FARS2: variants seen among roughly 807,000 people sequenced by gnomAD.
FARS2 encodes the protein phenylalanine--tRNA ligase, mitochondrial.
In FARS2, 40 loss-of-function variants were observed where a neutral mutation model predicts 46.4. The ratio of observed to expected loss-of-function variants is 0.86; its 90% CI spans 0.67 to 1.12. The LOEUF (loss-of-function observed/expected upper bound fraction) is 1.12. Ranked by LOEUF, FARS2 falls within the 50% of genes most tolerant of loss-of-function variation. FARS2 has a pLI of 0.00. For synonymous variants in FARS2, 234 were observed against 214.9 expected (o/e 1.09, Z -0.78); for missense variants, 513 against 567.9 (o/e 0.90, Z 0.98).
chr6:5,434,658 A>G (rs1763416827), intron 4 of FARS2, among the ~76,000 whole-genome samples: 1 of 152,142 alleles, frequency 6.6e-6, no homozygotes, highest in African/African-American at 2.4e-5. Flanking sequence ...TTGAGTTCTT[A>G]TGGCGTGGAG....
At chr6:5,251,715 G>A in the FARS2 span, among the ~76,000 whole-genome samples, 1 of 152,172 alleles carries the variant, frequency 6.6e-6, no homozygotes, top group African/African-American at 2.4e-5. Flanking sequence ...ATGAGATCTG[G>A]GTGGAGACAA....
At chr6:5,597,406 C>T (rs562511854) in intron 5 of FARS2, among the ~76,000 whole-genome samples, 1 of 152,288 alleles carries the variant, frequency 6.6e-6, no homozygotes, top group East Asian at 1.9e-4. Context: ...AATTCCCTTT[C>T]CCCTCTGGCC....
chr6:5,661,141 A>C (rs897120972), intron 6 of FARS2, among the ~76,000 whole-genome samples: 4 of 152,172 alleles, frequency 2.6e-5, no homozygotes, highest in African/African-American at 9.7e-5. Flanking sequence ...AAAACCCAAA[A>C]TTTCTACAGC....
chr6:5,398,891 T>C (rs1040482860), intron 2 of FARS2, among the ~76,000 whole-genome samples: 20 of 152,160 alleles, frequency 1.3e-4, no homozygotes, highest in Admixed American at 5.2e-4. Flanking sequence ...AGTTTCATAA[T>C]TGTTAACACA....
upstream of FARS2, among the ~76,000 whole-genome samples, chr6:5,259,259 A>G (rs1764828652): frequency 6.6e-6 from 1 of 152,184 alleles, no homozygotes. Context: ...AATGGTTTCT[A>G]TTTATTTAAC....
At chr6:5,388,346 T>C (rs886196626) in intron 2 of FARS2, among the ~76,000 whole-genome samples, 1 of 152,216 alleles carries the variant, frequency 6.6e-6, no homozygotes, top group African/African-American at 2.4e-5. Flanking sequence ...TATATGTGTG[T>C]TTAATTTAAA....
chr6:5,478,837 A>G (rs1338661615), intron 4 of FARS2, among the ~76,000 whole-genome samples: 1 of 152,118 alleles, frequency 6.6e-6, no homozygotes, highest in East Asian at 1.9e-4. Context: ...AGGGCTTCCC[A>G]GGATTGCGTT....
chr6:5,270,338 C>T (rs915708535), intron 1 of FARS2, among the ~76,000 whole-genome samples: 1 of 151,102 alleles, frequency 6.6e-6, no homozygotes, highest in African/African-American at 2.4e-5. Flanking sequence ...CCCTTGGCTT[C>T]TGCGTACTGT....
chr6:5,713,925 C>T (rs753585623), intron 6 of FARS2, among the ~76,000 whole-genome samples: 1 of 152,226 alleles, frequency 6.6e-6, no homozygotes, highest in Non-Finnish European at 1.5e-5. Flanking sequence ...GTTTAAATCT[C>T]TCTTTGGCTG....
intron 3 of FARS2, among the ~76,000 whole-genome samples, chr6:5,413,963 A>G (rs956410157): frequency 2.0e-5 from 3 of 152,306 alleles, no homozygotes; most frequent in East Asian, 3.9e-4. Flanking sequence ...TTACCAGCCC[A>G]TCGGTTTCTC....
chr6:5,742,845 G>T (rs1761428781), intron 6 of FARS2, among the ~76,000 whole-genome samples: 1 of 152,010 alleles, frequency 6.6e-6, no homozygotes, highest in African/African-American at 2.4e-5. Context: ...AGGAATTCTT[G>T]GATCTAGGAG....
intron 6 of FARS2, among the ~76,000 whole-genome samples, chr6:5,737,902 T>C (rs1373816691): frequency 1.3e-5 from 2 of 152,240 alleles, no homozygotes; most frequent in Non-Finnish European, 2.9e-5. Flanking sequence ...ATGGCACTAT[T>C]AGCAGTTGCT....
intron 5 of FARS2, among the ~76,000 whole-genome samples, chr6:5,556,322 C>T (rs1771655041): frequency 6.6e-6 from 1 of 152,014 alleles, no homozygotes; most frequent in Non-Finnish European, 1.5e-5. Context: ...GTATAGAAAT[C>T]AGGGTCATCG....
intron 3 of FARS2, among the ~76,000 whole-genome samples, chr6:5,426,686 C>CTGGAGACT (rs1762872400): frequency 6.6e-6 from 1 of 152,082 alleles, no homozygotes; most frequent in Non-Finnish European, 1.5e-5. Context: ...AGTGCAGTGG[C>CTGGAGACT]GCAATCTTGG....
In FARS2 at chr6:5,687,278, C is replaced by T. The variant is rs1407464623; in HGVS notation, c.1217+73958C>T. Among the ~76,000 whole-genome samples the T allele has an allele frequency of 1.1e-4, 16 of 152,328 alleles. No individual in the cohort carries two copies. The East Asian group carries it at 2.5e-3, about 24-fold the overall frequency. On this transcript the variant is annotated intron_variant, in intron 6 of 6. Coordinates refer to ENST00000274680, the MANE Select transcript of FARS2 (RefSeq NM_006567.5). ...TTAGACACGAAGTCCTTGCCCATGC[C>T]TATGCCCTGAATGGTATTGCCTAGG...
chr6:5,504,885 G>A (rs1485911940), intron 4 of FARS2, among the ~76,000 whole-genome samples: 1 of 152,098 alleles, frequency 6.6e-6, no homozygotes, highest in Admixed American at 6.6e-5. Context: ...GAGGGCAGTG[G>A]CACAATCTCG....
intron 5 of FARS2, among the ~76,000 whole-genome samples, chr6:5,581,496 C>T (rs1459367560): frequency 1.3e-5 from 2 of 152,208 alleles, no homozygotes; most frequent in African/African-American, 2.4e-5. Context: ...CTCTCCGCAT[C>T]GCACACAGGC....
At chr6:5,431,240 T>A in intron 4 of FARS2, 68 bp downstream of exon 4, 1 of 1,504,004 alleles carries the variant, frequency 6.6e-7, no homozygotes, top group Non-Finnish European at 9.2e-7. Context: ...GGCAGCCCCG[T>A]TGCACACTTG....
chr6:5,451,575 G>A (rs1402667250), intron 4 of FARS2: 1 of 152,054 alleles, frequency 6.6e-6, no homozygotes, highest in African/African-American at 2.4e-5. Context: ...GGTTACAGGG[G>A]ACATTGGGGA....
Sources: allele counts gnomAD v4.1 joint callset (sites outside exome capture counted in the v4.1 genomes callset), GRCh38; gene constraint gnomAD v4.1.1; transcripts MANE v1.5; gene names NCBI Gene and HGNC (gene_info 2026-07-23, HGNC 2026-07-21).